FAM200A: variants seen among roughly 807,000 people sequenced by gnomAD.
FAM200A encodes the protein ZBED8 like.
Under a neutral mutation model 44.2 loss-of-function variants are expected in FAM200A, and 26 were observed. That is an observed-to-expected ratio of 0.59 (90% CI 0.43 to 0.82). The LOEUF is 0.82. Ranked by LOEUF, FAM200A falls within the 40% of genes least tolerant of loss-of-function variation. FAM200A has a pLI of 0.00. For synonymous variants in FAM200A, 206 were observed against 244.4 expected, an observed-to-expected ratio of 0.84 and a Z score of 1.47; for missense variants, 606 against 669.5, an observed-to-expected ratio of 0.91 and a Z score of 1.05.
chr7:99,553,058 TATATACAC>T (rs1383080296), upstream of FAM200A, among the ~76,000 whole-genome samples: 2 of 108,078 alleles, frequency 1.9e-5, no homozygotes, highest in African/African-American at 9.1e-5. Context: ...CACATATATA[TATATACAC>T]ACACATATAT....
At position 99,547,421 on chromosome 7, in the gene FAM200A, A is replaced by G. The variant is rs975822293; in HGVS notation, c.987T>C (p.Ser329=). The G allele has an allele frequency of 3.4e-5, 53 of 1,551,442 alleles. No homozygotes were observed. In the African/African-American group the frequency reaches 5.9e-4, roughly 17 times the overall value. Residue 329 remains serine, a synonymous_variant, in exon 2 of 2, where the codon TCT becomes TCC. Coordinates refer to ENST00000449309, the MANE Select transcript of FAM200A (RefSeq NM_145111.4). ...CGTCTTCAAAAATATTTGCCAAATG[A>G]GATTGCTTTTCAACGAGAAAAATGT... ...EIYIFLVEKQ[S]HLANIFEDDI...
chr7:99,548,263 C>G lies in FAM200A; in HGVS notation c.145G>C (p.Val49Leu). ...TTCATAGTTGTAGAGCGACTGAGAA[C>G]TTGTGGCGATGACTCTACTTTGTTT... The part of the protein sequence containing the change: ...ERNKVESSPQ[V>L]LSRSTTMNER... The change falls in exon 2 of 2, where the codon GTT becomes CTT. Residue 49 changes from valine to leucine, a missense_variant. Coordinates refer to ENST00000449309, the MANE Select transcript of FAM200A (RefSeq NM_145111.4). 6.2e-7 allele frequency: 1 copy of G among 1,613,832 alleles called. No homozygotes were observed.
chr7:99,551,867 C>T lies in FAM200A; in HGVS notation c.-113G>A. Reference sequence around the variant, plus strand: ...TTCCCTTCCCACCTGTATCCAGGGACACCTCTGCTGGGGGACAGCGCTTGC... The same window carrying T: ...TTCCCTTCCCACCTGTATCCAGGGATACCTCTGCTGGGGGACAGCGCTTGC... On this transcript the variant is annotated 5_prime_UTR_variant, in exon 1 of 2. Transcript: ENST00000449309. 6 of 985,556 alleles carry T rather than the reference C, an allele frequency of 6.1e-6. No homozygotes were observed. Among genetic ancestry groups the T allele is most frequent in the Non-Finnish European group, 7.2e-6 (6 of 830,018 alleles). The allele number at this position is 985,556 out of a possible 1,614,324, so 61.1% of individuals were successfully genotyped here. A position where few individuals can be genotyped will look rare whatever the true frequency, so the allele number is the denominator to read the frequency against.
At chr7:99,556,987 G>C (rs1802700611), upstream of FAM200A, among the ~76,000 whole-genome samples, 1 of 152,206 alleles carries the variant, frequency 6.6e-6, no homozygotes, top group Non-Finnish European at 1.5e-5. Flanking sequence ...AGTGAGCTGA[G>C]ATCGCGCCAC....
At chr7:99,553,119 C>G (rs1427075081), upstream of FAM200A, among the ~76,000 whole-genome samples, 1 of 48,004 alleles carries the variant, frequency 2.1e-5, no homozygotes, top group Non-Finnish European at 4.5e-5. Flanking sequence ...TTTTTTTTTT[C>G]CTCCTAGGGC....
rs1177361215 is a variant in FAM200A, at chr7:99,546,721, C to T, written c.1687G>A (p.Glu563Lys). The T allele has an allele frequency of 6.5e-7, 1 of 1,538,920 alleles. No homozygotes were observed. Among genetic ancestry groups the T allele is most frequent in the Admixed American group, 2.1e-5 (1 of 47,584 alleles). Reference protein sequence around the residue: ...ALSSCVPDWKELMNRQAHPSH With the variant: ...ALSSCVPDWKKLMNRQAHPSH ...GGGTGTGCTTGTCTGTTCATAAGTT[C>T]CTTCCAGTCAGGAACACATGAAGAT... is the stretch of plus-strand genomic sequence containing the variant. Residue 563 changes from glutamate (E) to lysine (K), a missense_variant, in exon 2 of 2, where the codon GAA becomes AAA. Glu to Lys is a moderately conservative substitution (Grantham distance 56). Coordinates refer to ENST00000449309, the MANE Select transcript of FAM200A (RefSeq NM_145111.4).
At chr7:99,553,099 A>ATTTTTTTT (rs576289512), upstream of FAM200A, among the ~76,000 whole-genome samples, 1 of 61,396 alleles carries the variant, frequency 1.6e-5, no homozygotes, top group African/African-American at 9.8e-5. Context: ...ATATATATAT[A>ATTTTTTTT]TTTTTTTTTT....
intron 1 of FAM200A, among the ~76,000 whole-genome samples, chr7:99,549,313 T>C (rs1404394954): frequency 6.6e-6 from 1 of 152,030 alleles, no homozygotes; most frequent in Non-Finnish European, 1.5e-5. Context: ...ACACCCTCAT[T>C]TGTTTGTTTG....
upstream of FAM200A, among the ~76,000 whole-genome samples, chr7:99,553,270 T>G (rs1265896735): frequency 2.6e-5 from 4 of 151,000 alleles, no homozygotes; most frequent in Non-Finnish European, 5.9e-5. Flanking sequence ...TCGCTAAGAG[T>G]CATTACATTG....
In FAM200A at chr7:99,546,642, A is replaced by C. The variant is rs1411591251; in HGVS notation, c.*44T>G. On this transcript the variant is annotated 3_prime_UTR_variant, in exon 2 of 2. Coordinates refer to ENST00000449309, the MANE Select transcript of FAM200A (RefSeq NM_145111.4). ...TCCCACTGCTGGGATTACAGGCGTA[A>C]GCCACCACACCTGGCTATACACAGA... is the stretch of plus-strand genomic sequence containing the variant. The C allele has an allele frequency of 1.4e-6, 2 of 1,458,696 alleles. No individual in the cohort carries two copies. The highest frequency in any genetic ancestry group is 1.8e-6 in the Non-Finnish European group (2 of 1,107,576). The allele number at this position is 1,458,696 out of a possible 1,614,324, so 90.4% of individuals were successfully genotyped here. A position where few individuals can be genotyped will look rare whatever the true frequency, so the allele number is the denominator to read the frequency against.
At chr7:99,550,008 C>A (rs995241592) in intron 1 of FAM200A, among the ~76,000 whole-genome samples, 1 of 151,882 alleles carries the variant, frequency 6.6e-6, no homozygotes, top group South Asian at 2.1e-4. Flanking sequence ...TGTAACTAAC[C>A]TGCACATTGT....
chr7:99,557,488 T>C (rs181273825), intron 1 of FAM200A, among the ~76,000 whole-genome samples: 177 of 152,314 alleles, frequency 1.2e-3, no homozygotes, highest in South Asian at 2.1e-3. Flanking sequence ...ACAGGAACAA[T>C]AGATAGACAT....
chr7:99,553,302 T>C (rs186758215), upstream of FAM200A, among the ~76,000 whole-genome samples: 2 of 151,762 alleles, frequency 1.3e-5, no homozygotes, highest in Admixed American at 1.3e-4. Flanking sequence ...ATTTTTCTTC[T>C]TTGTCTAAAG....
In FAM200A at chr7:99,548,127, C is replaced by A; in HGVS notation, c.281G>T (p.Arg94Leu). The change falls in exon 2 of 2, where the codon CGG becomes CTG. Residue 94 changes from arginine (R) to leucine (L), a missense_variant. Arg to Leu is a moderately radical substitution (Grantham distance 102, BLOSUM62 -2). Coordinates refer to ENST00000449309, the MANE Select transcript of FAM200A (RefSeq NM_145111.4). Reference protein sequence around the residue: ...IILPACMDMVRTIFDDKSADK... With the variant: ...IILPACMDMVLTIFDDKSADK... ...AGCTGATTTGTCATCAAAAATTGTC[C>A]GTACCATGTCCATACATGCTGGAAG... is the stretch of plus-strand genomic sequence containing the variant. The A allele has an allele frequency of 6.4e-7, 1 of 1,551,710 alleles. No individual in the cohort carries two copies. Among genetic ancestry groups the A allele is most frequent in the South Asian group, 1.2e-5 (1 of 84,068 alleles).
upstream of FAM200A, among the ~76,000 whole-genome samples, chr7:99,553,099 A>ATATT (rs1254408398): frequency 2.5e-3 from 152 of 61,382 alleles, no homozygotes; most frequent in Non-Finnish European, 3.1e-3. Flanking sequence ...ATATATATAT[A>ATATT]TTTTTTTTTT....
At chr7:99,551,767 G>A (rs560969634) in intron 1 of FAM200A, 87 bp downstream of exon 1, 1 of 954,290 alleles carries the variant, frequency 1.0e-6, no homozygotes, top group Admixed American at 6.2e-5. Context: ...CACCAGGACT[G>A]GGGGTCCAGA....
At chr7:99,552,184 G>C, upstream of FAM200A, 1 of 985,340 alleles carries the variant, frequency 1.0e-6, no homozygotes, top group Non-Finnish European at 1.2e-6. Context: ...CTAGGATCGC[G>C]GGAGGACTTT....
chr7:99,553,014 T>TATATAC (rs1554394647), upstream of FAM200A, among the ~76,000 whole-genome samples: 1 of 133,266 alleles, frequency 7.5e-6, no homozygotes, highest in African/African-American at 3.1e-5. Flanking sequence ...CACATATATA[T>TATATAC]ACACATATAT....
Position 99,548,050 on chromosome 7 carries a change from A to G in FAM200A, c.358T>C (p.Cys120Arg), listed in dbSNP as rs1479805913. The G allele has an allele frequency of 1.3e-6, 2 of 1,551,484 alleles. No individual in the cohort carries two copies. The highest frequency in any genetic ancestry group is 1.4e-5 in the African/African-American group (1 of 73,046). ...LSDNTISRRI[C>R]TIAKHLEAML... ...GCTTCCAAATGTTTTGCAATCGTAC[A>G]GATTCGACGAGATATTGTATTATCA... is the stretch of plus-strand genomic sequence containing the variant. Residue 120 changes from cysteine to arginine, a missense_variant, in exon 2 of 2, where the codon TGT becomes CGT. Cys to Arg is a radical substitution (Grantham distance 180). Coordinates refer to ENST00000449309, the MANE Select transcript of FAM200A (RefSeq NM_145111.4).
Sources: allele counts gnomAD v4.1 joint callset (sites outside exome capture counted in the v4.1 genomes callset), GRCh38; gene constraint gnomAD v4.1.1; transcripts MANE v1.5; gene names NCBI Gene and HGNC (gene_info 2026-07-23, HGNC 2026-07-21).